The following ARCN1 variants were observed in gnomAD, a reference collection of about 807,000 sequenced individuals.
ARCN1 encodes the protein coatomer subunit delta.
A neutral mutation model predicts 60.4 loss-of-function variants in ARCN1; 5 were observed. That is an observed-to-expected ratio of 0.08 (90% CI 0.04 to 0.17). The LOEUF is 0.17. Among genes scored for constraint, ARCN1 ranks in the 10% least tolerant of loss-of-function variants. ARCN1 has a pLI of 1.00. For missense variants in ARCN1, 464 were observed against 626.5 expected, an observed-to-expected ratio of 0.74 and a Z score of 2.77; for synonymous variants, 224 against 220.0, an observed-to-expected ratio of 1.02 and a Z score of -0.16.
At chr11:118,597,401 A>T (rs1330170071) in intron 8 of ARCN1, among the ~76,000 whole-genome samples, 2 of 152,218 alleles carry the variant, frequency 1.3e-5, no homozygotes, top group Non-Finnish European at 2.9e-5. Context: ...AAACATAGCC[A>T]TCTTAACACA....
intron 1 of ARCN1, among the ~76,000 whole-genome samples, chr11:118,579,510 T>C (rs2135537420): frequency 6.9e-6 from 1 of 145,300 alleles, no homozygotes; most frequent in Non-Finnish European, 1.5e-5. Flanking sequence ...ACCCCATCTC[T>C]ACTAGAAATA....
At chr11:118,594,756 G>C (rs1367799946) in intron 8 of ARCN1, among the ~76,000 whole-genome samples, 1 of 150,722 alleles carries the variant, frequency 6.6e-6, no homozygotes, top group African/African-American at 2.4e-5. Flanking sequence ...CACCATGTTG[G>C]CCAGGCTGGT....
chr11:118,589,101 A>G (rs779750871), intron 5 of ARCN1, among the ~76,000 whole-genome samples: 15 of 152,248 alleles, frequency 9.9e-5, no homozygotes, highest in Admixed American at 2.6e-4. Context: ...ATTATGTAAG[A>G]GAATATCCCT....
chr11:118,599,593 T>A (rs1252118690), intron 9 of ARCN1, among the ~76,000 whole-genome samples: 1 of 149,124 alleles, frequency 6.7e-6, no homozygotes, highest in Non-Finnish European at 1.5e-5. Context: ...ACCCAGCTAA[T>A]TTTTTTTTGT....
In ARCN1 at chr11:118,593,391, C is replaced by CTTTT. The variant is rs57568260; in HGVS notation, c.1133-183_1133-180dup. ...AACAGGGAAGTGCCACCACGCCTGG[C>CTTTT]TTTTTTTTTTTTTTTTTTTGGTATA... On this transcript the variant is annotated intron_variant, in intron 7 of 9. Transcript: ENST00000264028. Among the ~76,000 whole-genome samples the CTTTT allele has an allele frequency of 8.1e-3, 977 of 120,960 alleles. 17 individuals are homozygous for CTTTT. The highest frequency in any genetic ancestry group is 0.027 in the African/African-American group (848 of 31,164). 79.4% of individuals were successfully genotyped at this position (120,960 alleles called of 152,430 possible).
chr11:118,581,628 C>T (rs1024746532), intron 2 of ARCN1, 119 bp downstream of exon 2: 16 of 953,968 alleles, frequency 1.7e-5, no homozygotes, highest in East Asian at 1.5e-4. Context: ...CGCACCCCAG[C>T]GACTTATTGC....
At chr11:118,599,874 C>T (rs1274128200) in intron 9 of ARCN1, among the ~76,000 whole-genome samples, 1 of 152,172 alleles carries the variant, frequency 6.6e-6, no homozygotes, top group East Asian at 1.9e-4. Context: ...AAAATTGCAG[C>T]TTCCTCCCTT....
chr11:118,589,710 C>G (rs1181806499), intron 5 of ARCN1, among the ~76,000 whole-genome samples: 1 of 152,190 alleles, frequency 6.6e-6, no homozygotes, highest in Non-Finnish European at 1.5e-5. Context: ...CGTGAGCCAC[C>G]ACGCCCGTGA....
chr11:118,576,240 T>C (rs1938497696), intron 1 of ARCN1, among the ~76,000 whole-genome samples: 1 of 151,846 alleles, frequency 6.6e-6, no homozygotes, highest in Non-Finnish European at 1.5e-5. Context: ...AAAGATAGTG[T>C]ACTCAAACCA....
At chr11:118,594,694 C>T (rs1458853467) in intron 8 of ARCN1, among the ~76,000 whole-genome samples, 1 of 152,172 alleles carries the variant, frequency 6.6e-6, no homozygotes, top group African/African-American at 2.4e-5. Flanking sequence ...GGGTTACAGG[C>T]ATGTGCCATC....
intron 8 of ARCN1, among the ~76,000 whole-genome samples, chr11:118,594,797 G>A (rs1291671179): frequency 6.7e-6 from 1 of 148,806 alleles, no homozygotes; most frequent in African/African-American, 2.5e-5. Context: ...TGATCTGCCC[G>A]CCTTGGCCTC....
Position 118,583,964 on chromosome 11 carries a change from A to C in ARCN1, c.603A>C (p.Thr201=). ...GAGGCAGCACAGCTGCCATGATCACAGAGACCATCATTGAAACTGATAAAC... is the reference window on the plus strand; with the variant it reads ...GAGGCAGCACAGCTGCCATGATCACCGAGACCATCATTGAAACTGATAAAC... ...VSGGSTAAMI[T]ETIIETDKPK... is the part of the protein sequence containing the mutation. Residue 201 remains threonine (T), a synonymous_variant, in exon 4 of 10, where the codon ACA becomes ACC. Coordinates refer to ENST00000264028, the MANE Select transcript of ARCN1 (RefSeq NM_001655.5). 1 of 1,614,260 alleles carries C rather than the reference A, an allele frequency of 6.2e-7. No homozygotes were observed. The highest frequency in any genetic ancestry group is 8.5e-7 in the Non-Finnish European group (1 of 1,180,052).
chr11:118,584,807 T>C (rs1555075244), intron 5 of ARCN1, among the ~76,000 whole-genome samples, 163 bp downstream of exon 5: 1 of 152,058 alleles, frequency 6.6e-6, no homozygotes, highest in African/African-American at 2.4e-5. Flanking sequence ...TAAGATCGTT[T>C]TTGGTTTTGT....
chr11:118,592,964 A>G (rs1555076564), intron 7 of ARCN1, 108 bp downstream of exon 7: 1 of 1,188,632 alleles, frequency 8.4e-7, no homozygotes, highest in Admixed American at 2.4e-5. Context: ...CTTTCTGACA[A>G]AATGACTTTC....
chr11:118,595,895 G>A (rs1161103849), intron 8 of ARCN1, among the ~76,000 whole-genome samples: 1 of 152,000 alleles, frequency 6.6e-6, no homozygotes. Context: ...GTGAAACCCC[G>A]TCTCTACTAA....
In ARCN1 at chr11:118,583,218, T is replaced by C. The variant is rs782019626; in HGVS notation, c.307T>C (p.Ser103Pro). The C allele has an allele frequency of 1.9e-6, 3 of 1,614,206 alleles. No individual in the cohort carries two copies. Among genetic ancestry groups the C allele is most frequent in the East Asian group, 4.5e-5 (2 of 44,880 alleles). The change falls in exon 3 of 10, where the codon TCT becomes CCT. Residue 103 changes from serine to proline, a missense_variant. By Grantham distance (74) the Ser-to-Pro change is moderately conservative. Coordinates refer to ENST00000264028, the MANE Select transcript of ARCN1 (RefSeq NM_001655.5). The stretch of plus-strand genomic sequence containing the variant: ...CCGAGCCTTAGAAGAGAATGAAATA[T>C]CTGAGCACTGTTTTGATTTGATTTT... The part of the protein sequence containing the change: ...YCRALEENEI[S>P]EHCFDLIFAF...
In ARCN1 at chr11:118,572,539, G is replaced by C; in HGVS notation, c.-9G>C. The C allele has an allele frequency of 6.2e-7, 1 of 1,611,302 alleles. No individual in the cohort carries two copies. Among genetic ancestry groups the C allele is most frequent in the South Asian group, 1.1e-5 (1 of 90,650 alleles). ...CGGAGTGCGGGCGCGCCCCACCACCGCCCTCACCATGGTAAGATCCGAGCC... is the reference window on the plus strand; with the variant it reads ...CGGAGTGCGGGCGCGCCCCACCACCCCCCTCACCATGGTAAGATCCGAGCC... On this transcript the variant is annotated 5_prime_UTR_variant, in exon 1 of 10. Transcript: ENST00000264028.
intron 5 of ARCN1, among the ~76,000 whole-genome samples, chr11:118,589,858 G>A (rs1938858514): frequency 6.6e-6 from 1 of 152,216 alleles, no homozygotes; most frequent in African/African-American, 2.4e-5. Flanking sequence ...GTCTGTTGAA[G>A]AATTGCTGTA....
chr11:118,592,364 C>T (rs1938931023), intron 6 of ARCN1, among the ~76,000 whole-genome samples: 1 of 152,284 alleles, frequency 6.6e-6, no homozygotes, highest in Non-Finnish European at 1.5e-5. Flanking sequence ...TTACTGGAGC[C>T]TTCTGCTTGG....
Sources: gnomAD v4.1 joint callset for allele counts (sites outside exome capture counted in the v4.1 genomes callset) on GRCh38, gnomAD v4.1.1 for gene constraint, MANE v1.5 for transcripts, NCBI Gene and HGNC (gene_info 2026-07-23, HGNC 2026-07-21) for gene names.